Variants in SSH2 observed in about 807,000 individuals in gnomAD.
The protein encoded by SSH2 is slingshot protein phosphatase 2, also known as protein phosphatase Slingshot homolog 2.
SSH2 carries 37 observed loss-of-function variants against 135.2 expected under a neutral mutation model. That is an observed-to-expected ratio of 0.27 (90% CI 0.21 to 0.36). The LOEUF is 0.36. Ranked by LOEUF, SSH2 falls within the 10% of genes least tolerant of loss-of-function variation. SSH2 has a pLI of 1.00. For synonymous variants in SSH2, 628 were observed against 646.2 expected, an observed-to-expected ratio of 0.97 and a Z score of 0.43; for missense variants, 1,408 against 1,765.3, an observed-to-expected ratio of 0.80 and a Z score of 3.63.
Position 29,814,193 on chromosome 17 carries a change from T to C in SSH2, c.145-20256A>G, listed in dbSNP as rs186188094. Among the ~76,000 whole-genome samples, 522 of 147,286 alleles carry C rather than the reference T, an allele frequency of 3.5e-3. 4 individuals carry two copies. The highest frequency in any genetic ancestry group is 0.013 in the African/African-American group (500 of 39,440). The stretch of plus-strand genomic sequence containing the variant: ...GCTCATGCCTGTAATTCCAGCACTT[T>C]GGGAGGCCGAGGTGGGCGGATCACC... On this transcript the variant is annotated intron_variant, in intron 2 of 15. Coordinates refer to ENST00000540801, the MANE Select transcript of SSH2 (RefSeq NM_001282129.2).
intron 1 of SSH2, among the ~76,000 whole-genome samples, chr17:29,889,618 C>T (rs1225677980): frequency 6.6e-6 from 1 of 151,386 alleles, no homozygotes; most frequent in African/African-American, 2.4e-5. Flanking sequence ...CAGAGTACAC[C>T]ATAAAGAAAG....
At chr17:29,722,901 C>G (rs188081238) in intron 3 of SSH2, among the ~76,000 whole-genome samples, 6 of 152,118 alleles carry the variant, frequency 3.9e-5, no homozygotes, top group African/African-American at 1.4e-4. Context: ...GAAAGTGAAC[C>G]GTGAAGAAAC....
intron 12 of SSH2, among the ~76,000 whole-genome samples, chr17:29,653,333 A>G (rs1478805975): frequency 6.6e-6 from 1 of 152,206 alleles, no homozygotes; most frequent in Non-Finnish European, 1.5e-5. Flanking sequence ...CAATCACTGA[A>G]TTTAAGAAAC....
intron 14 of SSH2, among the ~76,000 whole-genome samples, chr17:29,647,523 T>C (rs2036425365): frequency 6.6e-6 from 1 of 152,024 alleles, no homozygotes; most frequent in Non-Finnish European, 1.5e-5. Context: ...TAATATTTAG[T>C]ATTTCCATCC....
intron 2 of SSH2, among the ~76,000 whole-genome samples, chr17:29,795,321 C>G (rs1362073920): frequency 6.6e-6 from 1 of 152,212 alleles, no homozygotes; most frequent in Non-Finnish European, 1.5e-5. Flanking sequence ...CAAAAATATC[C>G]TACAACATTT....
chr17:29,895,046 C>G (rs186438191), intron 1 of SSH2, among the ~76,000 whole-genome samples: 1 of 151,440 alleles, frequency 6.6e-6, no homozygotes, highest in Non-Finnish European at 1.5e-5. Context: ...ACTCTCCACT[C>G]CAACCACATA....
intron 3 of SSH2, among the ~76,000 whole-genome samples, chr17:29,732,642 C>T (rs8066926): frequency 6.6e-6 from 1 of 152,014 alleles, no homozygotes; most frequent in Admixed American, 6.5e-5. Flanking sequence ...CTATATCAGC[C>T]AAGTTCACAC....
intron 5 of SSH2, 35 bp downstream of exon 5, chr17:29,695,424 T>TGAGGAAGAAAATTATGA: frequency 6.3e-7 from 1 of 1,587,216 alleles, no homozygotes; most frequent in Admixed American, 1.7e-5. Context: ...GATAGTCTTT[T>TGAGGAAGAAAATTATGA]GAGGAAGAAA....
chr17:29,646,686 G>T (rs1302792230), intron 14 of SSH2, among the ~76,000 whole-genome samples: 1 of 151,836 alleles, frequency 6.6e-6, no homozygotes, highest in Non-Finnish European at 1.5e-5. Flanking sequence ...TTTTAATAGA[G>T]ATGGGGTTTC....
At chr17:29,903,720 A>G (rs944292157) in intron 1 of SSH2, among the ~76,000 whole-genome samples, 1 of 152,138 alleles carries the variant, frequency 6.6e-6, no homozygotes, top group African/African-American at 2.4e-5. Flanking sequence ...CAAGACACTC[A>G]ATTAAGATGT....
At chr17:29,767,366 TTTC>T (rs1391149407) in intron 3 of SSH2, among the ~76,000 whole-genome samples, 1 of 98,846 alleles carries the variant, frequency 1.0e-5, no homozygotes, top group East Asian at 2.1e-4. Flanking sequence ...CTTTAAACGT[TTTC>T]TTTTTTCTTT....
chr17:29,689,640 G>A (rs2038379204), intron 5 of SSH2, among the ~76,000 whole-genome samples: 1 of 152,078 alleles, frequency 6.6e-6, no homozygotes, highest in Admixed American at 6.6e-5. Context: ...AGGTGAATTG[G>A]ATCCAGCAAT....
At chr17:29,828,789 C>T (rs866693770) in intron 2 of SSH2, among the ~76,000 whole-genome samples, 9 of 152,282 alleles carry the variant, frequency 5.9e-5, no homozygotes, top group African/African-American at 2.2e-4. Context: ...TAATTACAGA[C>T]GTTACCTAGT....
intron 2 of SSH2, among the ~76,000 whole-genome samples, chr17:29,804,258 A>G (rs1368842910): frequency 6.6e-6 from 1 of 152,176 alleles, no homozygotes; most frequent in Non-Finnish European, 1.5e-5. Context: ...TCTTCCCTAT[A>G]ATTTTCAAGC....
Position 29,630,886 on chromosome 17 carries a change from T to G in SSH2, c.4308A>C (p.Ala1436=), listed in dbSNP as rs919545682. The G allele has an allele frequency of 2.5e-6, 4 of 1,576,152 alleles. No homozygotes were observed. The highest frequency in any genetic ancestry group is 2.6e-6 in the Non-Finnish European group (3 of 1,156,186). The change falls in exon 16 of 16, where the codon GCA becomes GCC. Residue 1436 remains alanine (A), a synonymous_variant. Transcript: ENST00000540801. ...RTHPLRRLKK[A]NDKKRTTNPF... ...GGTTGGTTGTCCGTTTTTTGTCATT[T>G]GCCTTTTTCAGTCTCCTAAGGGGGT...
intron 3 of SSH2, chr17:29,761,563 G>A: frequency 5.0e-6 from 2 of 399,600 alleles, no homozygotes; most frequent in Non-Finnish European, 6.8e-6. Context: ...CCCGCAGCGC[G>A]CGTCACAGCC....
chr17:29,659,891 C>G (rs537823259), intron 11 of SSH2, among the ~76,000 whole-genome samples: 2 of 151,786 alleles, frequency 1.3e-5, no homozygotes, highest in East Asian at 3.9e-4. Context: ...AGTGCAGTGA[C>G]GTGATCTTGG....
At chr17:29,721,002 T>A (rs553881734) in intron 3 of SSH2, among the ~76,000 whole-genome samples, 1 of 152,344 alleles carries the variant, frequency 6.6e-6, no homozygotes, top group East Asian at 1.9e-4. Context: ...ATTTAATTTA[T>A]TAAGCTTTCT....
chr17:29,718,471 C>T (rs951767091), intron 3 of SSH2, among the ~76,000 whole-genome samples: 3 of 152,072 alleles, frequency 2.0e-5, no homozygotes, highest in Non-Finnish European at 4.4e-5. Flanking sequence ...TTTTGAGAAT[C>T]AGGAATTCAG....
Sources: gnomAD v4.1 joint callset for allele counts (sites outside exome capture counted in the v4.1 genomes callset) on GRCh38, gnomAD v4.1.1 for gene constraint, MANE v1.5 for transcripts, NCBI Gene and HGNC (gene_info 2026-07-23, HGNC 2026-07-21) for gene names.